Variants in KHDRBS2 observed in about 807,000 individuals in gnomAD.
KHDRBS2 encodes KH domain-containing, RNA-binding, signal transduction-associated protein 2.
In KHDRBS2, 26 loss-of-function variants were observed where a neutral mutation model predicts 44.3. That is an observed-to-expected ratio of 0.59 (90% CI 0.43 to 0.81). KHDRBS2 has a LOEUF of 0.81. Ranked by LOEUF, KHDRBS2 falls within the 40% of genes least tolerant of loss-of-function variation. The probability of loss-of-function intolerance (pLI) is 0.00; values close to 1 mark genes in which losing one functional copy is unlikely to be tolerated. For synonymous variants in KHDRBS2, 194 were observed against 151.1 expected (o/e 1.28, Z -2.08); for missense variants, 476 against 433.1 (o/e 1.10, Z -0.88).
At chr6:61,550,766 C>CTTTTTTT in the KHDRBS2 span, among the ~76,000 whole-genome samples, 954 of 117,008 alleles carry the variant, frequency 8.2e-3, 28 homozygotes, top group South Asian at 0.016. Flanking sequence ...GAGATGGTAT[C>CTTTTTTT]TTTTTTTTTT....
intron 2 of KHDRBS2, among the ~76,000 whole-genome samples, chr6:62,074,670 T>C (rs1362758758): frequency 6.6e-6 from 1 of 151,924 alleles, no homozygotes; most frequent in Non-Finnish European, 1.5e-5. Flanking sequence ...TATGTTATCA[T>C]GGCTAAACAT....
chr6:62,014,342 A>G (rs2127272963), intron 3 of KHDRBS2, among the ~76,000 whole-genome samples: 1 of 152,234 alleles, frequency 6.6e-6, no homozygotes. Context: ...ATGTCCTCTT[A>G]GGGATAAAAA....
At chr6:61,633,423 A>T in the KHDRBS2 span, among the ~76,000 whole-genome samples, 1 of 152,088 alleles carries the variant, frequency 6.6e-6, no homozygotes, top group Non-Finnish European at 1.5e-5. Context: ...CCACATGTTC[A>T]CACTGCCACT....
intron 1 of KHDRBS2, among the ~76,000 whole-genome samples, chr6:62,217,854 T>C (rs1012164679): frequency 2.0e-5 from 3 of 151,726 alleles, no homozygotes; most frequent in Admixed American, 6.6e-5. Context: ...AAATTAATGA[T>C]TGATTGACAC....
intron 3 of KHDRBS2, among the ~76,000 whole-genome samples, chr6:62,006,659 T>A (rs1779286573): frequency 6.6e-6 from 1 of 152,042 alleles, no homozygotes; most frequent in African/African-American, 2.4e-5. Flanking sequence ...ACTGATCCGC[T>A]TTATCCTATA....
intron 6 of KHDRBS2, among the ~76,000 whole-genome samples, chr6:61,807,623 A>C (rs1269897821): frequency 6.6e-6 from 1 of 152,048 alleles, no homozygotes; most frequent in Non-Finnish European, 1.5e-5. Context: ...CAACAAAATC[A>C]CATGGACACT....
intron 2 of KHDRBS2, among the ~76,000 whole-genome samples, chr6:62,134,242 C>T (rs1002299591): frequency 2.0e-5 from 3 of 152,172 alleles, no homozygotes; most frequent in African/African-American, 7.2e-5. Flanking sequence ...TGGGTCTCCG[C>T]TGCTCTAGCC....
chr6:61,972,102 T>G (rs1283503341), intron 4 of KHDRBS2, among the ~76,000 whole-genome samples: 1 of 152,182 alleles, frequency 6.6e-6, no homozygotes, highest in Non-Finnish European at 1.5e-5. Flanking sequence ...CAATCTCCAG[T>G]AATCATGAGT....
chr6:62,267,878 T>C (rs1839453982), intron 1 of KHDRBS2, among the ~76,000 whole-genome samples: 1 of 152,070 alleles, frequency 6.6e-6, no homozygotes, highest in South Asian at 2.1e-4. Context: ...ATTGTTTTGC[T>C]TTAATGATAA....
intron 1 of KHDRBS2, among the ~76,000 whole-genome samples, chr6:62,277,260 C>T (rs1255472211): frequency 2.6e-5 from 4 of 151,840 alleles, no homozygotes; most frequent in East Asian, 1.9e-4. Flanking sequence ...GATTATAAAC[C>T]CCATAAATTA....
At chr6:62,044,640 A>G (rs1474631578) in intron 3 of KHDRBS2, among the ~76,000 whole-genome samples, 1 of 152,074 alleles carries the variant, frequency 6.6e-6, no homozygotes, top group East Asian at 1.9e-4. Flanking sequence ...TATCCTGCAA[A>G]GTCACCTATC....
chr6:61,671,485 A>G, the KHDRBS2 span, among the ~76,000 whole-genome samples: 1 of 151,716 alleles, frequency 6.6e-6, no homozygotes, highest in Admixed American at 6.6e-5. Flanking sequence ...AGTGTAAGAG[A>G]CTGAGAAAAC....
At chr6:61,958,221 C>A (rs867380438) in intron 4 of KHDRBS2, among the ~76,000 whole-genome samples, 2 of 152,104 alleles carry the variant, frequency 1.3e-5, no homozygotes, top group Non-Finnish European at 2.9e-5. Context: ...TCTTTGTGGA[C>A]ACAATTTCCA....
chr6:61,738,327 C>T (rs144508885), intron 6 of KHDRBS2, among the ~76,000 whole-genome samples: 22 of 152,104 alleles, frequency 1.4e-4, no homozygotes, highest in African/African-American at 4.3e-4. Flanking sequence ...AAAGAAAATA[C>T]TCAAGGAGAT....
At chr6:62,189,057 G>A (rs559984934) in intron 1 of KHDRBS2, among the ~76,000 whole-genome samples, 2 of 152,102 alleles carry the variant, frequency 1.3e-5, no homozygotes, top group South Asian at 2.1e-4. Flanking sequence ...GGAGGTTGCC[G>A]TGAGCCAAGA....
chr6:62,125,983 T>C (rs1428829046), intron 2 of KHDRBS2, among the ~76,000 whole-genome samples: 2 of 152,086 alleles, frequency 1.3e-5, no homozygotes, highest in Non-Finnish European at 2.9e-5. Flanking sequence ...AAGGAGACTT[T>C]GTCTTGAAGC....
chr6:62,008,203 T>A lies in KHDRBS2; in HGVS notation c.337-29991A>T, dbSNP rs74528916. On this transcript the variant is annotated intron_variant, in intron 3 of 8. Transcript: ENST00000281156. ...AGCAAATAAAATGCAGATTTGCAGC[T>A]GGATATAACCTGCCTCAGTACGGTA... 2.6e-5 allele frequency among the ~76,000 whole-genome samples: 4 copies of A among 152,298 alleles called. No homozygotes were observed. The East Asian group carries it at 7.7e-4, about 29-fold the overall frequency.
chr6:62,048,012 T>A lies in KHDRBS2; in HGVS notation c.220-18A>T. 1 of 1,262,316 alleles carries A rather than the reference T, an allele frequency of 7.9e-7. No individual in the cohort carries two copies. The highest frequency in any genetic ancestry group is 1.2e-6 in the Non-Finnish European group (1 of 859,218). The allele number at this position is 1,262,316 out of a possible 1,614,324, so 78.2% of individuals were successfully genotyped here. A position where few individuals can be genotyped will look rare whatever the true frequency, so the allele number is the denominator to read the frequency against. On this transcript the variant is annotated intron_variant, in intron 2 of 8. Transcript: ENST00000281156. Reference sequence around the variant, plus strand: ...AAATTGAACTAGGAAACAAAATCAATAGAATGTCTGTTTTAAGGTACAATA... The same window carrying A: ...AAATTGAACTAGGAAACAAAATCAAAAGAATGTCTGTTTTAAGGTACAATA...
chr6:61,640,365 T>C, the KHDRBS2 span, among the ~76,000 whole-genome samples: 1 of 152,116 alleles, frequency 6.6e-6, no homozygotes. Flanking sequence ...GTCATTCATA[T>C]TGTAGGAAAG....
Sources: allele counts gnomAD v4.1 joint callset (sites outside exome capture counted in the v4.1 genomes callset), GRCh38; gene constraint gnomAD v4.1.1; transcripts MANE v1.5; gene names NCBI Gene and HGNC (gene_info 2026-07-23, HGNC 2026-07-21).